AKAP13: variants seen among roughly 807,000 people sequenced by gnomAD.
AKAP13 encodes A-kinase anchoring protein 13, also known as A-kinase anchor protein 13.
A neutral mutation model predicts 264.5 loss-of-function variants in AKAP13; 80 were observed. The observed-to-expected ratio is 0.30, with a 90% confidence interval of 0.25 to 0.36. The LOEUF is 0.36. AKAP13 is among the 10% of genes least tolerant of loss of function. The pLI is 1.00. For missense variants in AKAP13, 3,712 were observed against 3,435.2 expected (o/e 1.08, Z -2.01); for synonymous variants, 1,380 against 1,250.2 (o/e 1.10, Z -2.19).
At chr15:85,639,979 C>T (rs1242354256) in intron 9 of AKAP13, among the ~76,000 whole-genome samples, 1 of 152,184 alleles carries the variant, frequency 6.6e-6, no homozygotes, top group East Asian at 1.9e-4. Flanking sequence ...TAAGTCTTTC[C>T]TTAAGTACCT....
intron 8 of AKAP13, among the ~76,000 whole-genome samples, chr15:85,638,429 G>A (rs1479965260): frequency 6.6e-6 from 1 of 152,122 alleles, no homozygotes; most frequent in Non-Finnish European, 1.5e-5. Flanking sequence ...CATTCCAAGT[G>A]CACTTGAGAA....
chr15:85,717,035 CCTTG>C, intron 20 of AKAP13: 1 of 402,844 alleles, frequency 2.5e-6, no homozygotes, highest in South Asian at 3.4e-5. Flanking sequence ...AGAAAGTTCC[CCTTG>C]CTTCTTATCA....
intron 17 of AKAP13, among the ~76,000 whole-genome samples, chr15:85,695,773 C>G (rs142271575): frequency 5.3e-5 from 8 of 152,154 alleles, no homozygotes; most frequent in Non-Finnish European, 1.2e-4. Context: ...CCATTGAGAG[C>G]CACTACCACA....
chr15:85,481,698 C>T lies in AKAP13; in HGVS notation c.-11-4012C>T, dbSNP rs144327538. Among the ~76,000 whole-genome samples the T allele has an allele frequency of 1.2e-3, 184 of 152,198 alleles. 3 individuals are homozygous for T. In the East Asian group the frequency reaches 0.031, roughly 26 times the overall value. On this transcript the variant is annotated intron_variant, in intron 1 of 36. Coordinates refer to ENST00000394518, the MANE Select transcript of AKAP13 (RefSeq NM_007200.5). Reference sequence around the variant, plus strand: ...TGAAATTGCTGAACATACTTAAAACCACATCATTTAAGACTTTGAATTTTG... The same window carrying T: ...TGAAATTGCTGAACATACTTAAAACTACATCATTTAAGACTTTGAATTTTG...
At chr15:85,453,523 A>G (rs1454345565) in intron 1 of AKAP13, among the ~76,000 whole-genome samples, 1 of 152,190 alleles carries the variant, frequency 6.6e-6, no homozygotes, top group Admixed American at 6.5e-5. Flanking sequence ...GGGAGGAATG[A>G]CCTGTTGCTG....
intron 17 of AKAP13, among the ~76,000 whole-genome samples, chr15:85,695,495 A>T (rs2085517414): frequency 1.3e-5 from 2 of 152,204 alleles, no homozygotes; most frequent in South Asian, 4.1e-4. Flanking sequence ...GAAGAGGAGG[A>T]GTGGAGTTAC....
chr15:85,580,846 A>G lies in AKAP13; in HGVS notation c.2778A>G (p.Gln926=). 6.2e-7 allele frequency: 1 copy of G among 1,614,152 alleles called. No individual in the cohort carries two copies. Among genetic ancestry groups the G allele is most frequent in the Non-Finnish European group, 8.5e-7 (1 of 1,180,022 alleles). The change falls in exon 7 of 37, where the codon CAA becomes CAG. Residue 926 remains glutamine (Q), a synonymous_variant. Coordinates refer to ENST00000394518, the MANE Select transcript of AKAP13 (RefSeq NM_007200.5). The part of the protein sequence containing the change: ...VVSESSAAQE[Q]DKDKAVTCSS... ...CAGAAAGCTCTGCAGCTCAGGAACA[A>G]GATAAGGATAAAGCGGTGACCTGTT...
At chr15:85,537,289 A>G (rs2077434160) in intron 4 of AKAP13, among the ~76,000 whole-genome samples, 3 of 152,266 alleles carry the variant, frequency 2.0e-5, no homozygotes, top group Admixed American at 2.0e-4. Flanking sequence ...AGGTATTTAA[A>G]GGAGAAAGGT....
intron 15 of AKAP13, chr15:85,684,445 C>G (rs1365025714): frequency 9.3e-6 from 2 of 214,212 alleles, no homozygotes; most frequent in Admixed American, 1.2e-4. Flanking sequence ...TGCCTTTAGT[C>G]CCAGCTTACT....
intron 19 of AKAP13, among the ~76,000 whole-genome samples, chr15:85,713,995 G>A (rs937957049): frequency 6.6e-6 from 1 of 152,162 alleles, no homozygotes; most frequent in Admixed American, 6.5e-5. Flanking sequence ...TAACTCGGAT[G>A]ATAGGTGTGC....
intron 8 of AKAP13, among the ~76,000 whole-genome samples, chr15:85,636,259 T>G (rs2082067579): frequency 2.0e-5 from 3 of 152,232 alleles, no homozygotes; most frequent in African/African-American, 7.2e-5. Flanking sequence ...GCAACCTTGC[T>G]TTTATTAATA....
At chr15:85,414,814 CTCTTG>C (rs2072158650) in intron 1 of AKAP13, among the ~76,000 whole-genome samples, 1 of 152,242 alleles carries the variant, frequency 6.6e-6, no homozygotes, top group Non-Finnish European at 1.5e-5. Flanking sequence ...CTAATGCCTT[CTCTTG>C]TCTTAGGCTT....
chr15:85,388,916 C>G (rs1029951181), intron 1 of AKAP13, among the ~76,000 whole-genome samples: 1 of 152,148 alleles, frequency 6.6e-6, no homozygotes, highest in Non-Finnish European at 1.5e-5. Flanking sequence ...GAGTATCATA[C>G]TTTGTTTTGG....
chr15:85,399,517 AAAAAATAAAAAAATAAAAAAAT>A (rs2071300719), intron 1 of AKAP13, among the ~76,000 whole-genome samples: 12 of 125,936 alleles, frequency 9.5e-5, no homozygotes, highest in South Asian at 2.3e-4. Flanking sequence ...AAAAAAAAAA[AAAAAATAAAAAAATAAAAAAAT>A]AAATAAATAA....
intron 2 of AKAP13, among the ~76,000 whole-genome samples, chr15:85,496,813 C>G (rs764481932): frequency 1.8e-4 from 27 of 152,158 alleles, no homozygotes; most frequent in Non-Finnish European, 4.0e-4. Flanking sequence ...GTGGCCTTGT[C>G]CAGCCAGATC....
intron 2 of AKAP13, among the ~76,000 whole-genome samples, chr15:85,491,661 A>T (rs1300356030): frequency 6.6e-6 from 1 of 151,706 alleles, no homozygotes; most frequent in East Asian, 1.9e-4. Context: ...TATTTTCAAA[A>T]CTTGGTACTG....
intron 5 of AKAP13, among the ~76,000 whole-genome samples, chr15:85,563,513 C>T (rs1037850342): frequency 9.9e-5 from 15 of 151,866 alleles, no homozygotes; most frequent in African/African-American, 3.6e-4. Flanking sequence ...AAGGAACATT[C>T]CTTTGACTCA....
chr15:85,672,519 A>G (rs760457013), intron 14 of AKAP13, among the ~76,000 whole-genome samples: 6 of 152,220 alleles, frequency 3.9e-5, no homozygotes, highest in Non-Finnish European at 8.8e-5. Context: ...TTCAATTCCA[A>G]GTCACTTAAA....
At chr15:85,402,953 C>G (rs879685010) in intron 1 of AKAP13, among the ~76,000 whole-genome samples, 1 of 152,164 alleles carries the variant, frequency 6.6e-6, no homozygotes, top group African/African-American at 2.4e-5. Flanking sequence ...CGCTGTTACT[C>G]ATGTTTTTCA....
Sources: gnomAD v4.1 joint callset for allele counts (sites outside exome capture counted in the v4.1 genomes callset) on GRCh38, gnomAD v4.1.1 for gene constraint, MANE v1.5 for transcripts, NCBI Gene and HGNC (gene_info 2026-07-23, HGNC 2026-07-21) for gene names.